Variants in EPS8L2 observed in about 807,000 individuals in gnomAD.
EPS8L2 encodes epidermal growth factor receptor kinase substrate 8-like protein 2.
In EPS8L2, 81 loss-of-function variants were observed where a neutral mutation model predicts 99.4. The observed-to-expected ratio is 0.82, with a 90% CI of 0.68 to 0.98. The LOEUF is 0.98. Ranked by LOEUF, EPS8L2 falls within the 50% of genes least tolerant of loss-of-function variation. The pLI is 0.00. For missense variants in EPS8L2, 1,155 were observed against 968.8 expected (o/e 1.19, Z -2.55); for synonymous variants, 509 against 407.3 (o/e 1.25, Z -3.01).
intron 7 of EPS8L2, 26 bp downstream of exon 7, chr11:720,935 G>T: frequency 3.3e-6 from 4 of 1,201,620 alleles, no homozygotes; most frequent in South Asian, 2.7e-5. Context: ...GAGCGGGGTC[G>T]CAGGGGGCGG....
At chr11:710,537 C>T (rs1311003261) in intron 4 of EPS8L2, 51 bp downstream of exon 4, 1 of 1,496,076 alleles carries the variant, frequency 6.7e-7, no homozygotes, top group Admixed American at 1.7e-5. Flanking sequence ...ACCCTCAGGA[C>T]ATGGCTGTCC....
At position 720,943 on chromosome 11, in the gene EPS8L2, C is replaced by CGGGGAGGGGAGGAGCCGGCA. The variant is rs1862142455; in HGVS notation, c.557+50_557+51insGGCAGGGGAGGGGAGGAGCC. The stretch of plus-strand genomic sequence containing the variant: ...GCGGGCGGAGCGGGGTCGCAGGGGG[C>CGGGGAGGGGAGGAGCCGGCA]GGGGAGGGGAGGAGCCCGGCAGGGG... On this transcript the variant is annotated intron_variant, in intron 7 of 20. Transcript: ENST00000318562. 7.5e-3 allele frequency: 3,755 copies of CGGGGAGGGGAGGAGCCGGCA among 502,100 alleles called. 29 individuals are homozygous for CGGGGAGGGGAGGAGCCGGCA. Among genetic ancestry groups the CGGGGAGGGGAGGAGCCGGCA allele is most frequent in the Admixed American group, 0.011 (224 of 20,710 alleles). 31.1% of individuals were successfully genotyped at this position (502,100 alleles called of 1,614,324 possible).
At chr11:709,640 A>G (rs373014242) in intron 3 of EPS8L2, 32 bp downstream of exon 3, 1 of 1,608,566 alleles carries the variant, frequency 6.2e-7, no homozygotes, top group Non-Finnish European at 8.5e-7. Flanking sequence ...GCTGGACGTC[A>G]CAGGGGAGAA....
rs764028709 is a variant in EPS8L2 at position 726,712 on chromosome 11, C to T, written c.2028C>T (p.Arg676=). The T allele has an allele frequency of 1.3e-6, 2 of 1,593,168 alleles. No individual in the cohort carries two copies. Among genetic ancestry groups the T allele is most frequent in the South Asian group, 1.1e-5 (1 of 87,670 alleles). ...AAGTGTGCGGCGAGGAGGGCGTCCGCGTGTACAGCCAGCTCACCATGCAGA... is the reference window on the plus strand; with the variant it reads ...AAGTGTGCGGCGAGGAGGGCGTCCGTGTGTACAGCCAGCTCACCATGCAGA... ...LKKVCGEEGV[R]VYSQLTMQKA... Residue 676 remains arginine, a synonymous_variant, in exon 20 of 21, where the codon CGC becomes CGT. Coordinates refer to ENST00000318562, the MANE Select transcript of EPS8L2 (RefSeq NM_022772.4).
chr11:725,968 C>G, intron 17 of EPS8L2, 121 bp downstream of exon 17: 1 of 1,361,886 alleles, frequency 7.3e-7, no homozygotes, highest in Admixed American at 2.9e-5. Flanking sequence ...TGCAGGGCTC[C>G]CTGGGCAGAA....
chr11:726,230 GT>G (rs1862315890), intron 18 of EPS8L2, 60 bp downstream of exon 18: 1 of 1,563,476 alleles, frequency 6.4e-7, no homozygotes, highest in East Asian at 2.3e-5. Context: ...GGGAGGAAGT[GT>G]GGGGGGGGTC....
intron 6 of EPS8L2, 30 bp downstream of exon 6, chr11:720,776 G>A: frequency 6.5e-7 from 1 of 1,532,914 alleles, no homozygotes; most frequent in South Asian, 1.2e-5. Flanking sequence ...GGCAGGGTGG[G>A]GCCCCGCCGC....
rs762278579 is a variant in EPS8L2 at position 723,305 on chromosome 11, C to T, written c.1406C>T (p.Thr469Ile). The T allele has an allele frequency of 3.1e-6, 5 of 1,591,208 alleles. No homozygotes were observed. The highest frequency in any genetic ancestry group is 1.1e-5 in the South Asian group (1 of 88,532). The change falls in exon 15 of 21, where the codon ACC (threonine) becomes ATC (isoleucine). Residue 469 changes from threonine to isoleucine, a missense_variant. Physicochemically the swap from Thr to Ile is moderately conservative, Grantham distance 89. Transcript: ENST00000318562. The part of the protein sequence containing the change: ...SQKHSPTSEP[T>I]PPGDALPPVS... ...AAGCACAGCCCCACTTCAGAGCCCA[C>T]CCCCCCGGGGGATGCCCTACCACCA... is the stretch of plus-strand genomic sequence containing the variant.
intron 4 of EPS8L2, among the ~76,000 whole-genome samples, chr11:710,846 GGCCAGA>G (rs1861870425): frequency 6.6e-6 from 1 of 152,118 alleles, no homozygotes; most frequent in Admixed American, 6.5e-5. Context: ...GGCCGGGGGA[GGCCAGA>G]GCCAGAACTG....
At chr11:720,330 G>T in intron 5 of EPS8L2, 107 bp downstream of exon 5, 2 of 1,275,412 alleles carry the variant, frequency 1.6e-6, no homozygotes, top group Non-Finnish European at 1.1e-6. Context: ...GGCCGGCCAT[G>T]CCCTATCATT....
rs1405004780 is a variant in EPS8L2 at position 722,181 on chromosome 11, C to T, written c.1059+16C>T. ...TCTGGACCTGGTGCCTGGGGCCGGG[C>T]GGCAGGGGCGCGCAGGGTGGGGGCC... On this transcript the variant is annotated intron_variant, in intron 12 of 20. Coordinates refer to ENST00000318562, the MANE Select transcript of EPS8L2 (RefSeq NM_022772.4). 6 of 1,610,088 alleles carry T rather than the reference C, an allele frequency of 3.7e-6. No individual in the cohort carries two copies. The highest frequency in any genetic ancestry group is 3.3e-5 in the South Asian group (3 of 90,842).
intron 4 of EPS8L2, among the ~76,000 whole-genome samples, chr11:718,574 T>A (rs1358631764): frequency 6.6e-6 from 1 of 151,082 alleles, no homozygotes; most frequent in Non-Finnish European, 1.5e-5. Context: ...AACTTTGACC[T>A]CCTGGGCTCA....
At chr11:715,545 C>T (rs561985670) in intron 4 of EPS8L2, among the ~76,000 whole-genome samples, 4 of 151,392 alleles carry the variant, frequency 2.6e-5, no homozygotes, top group South Asian at 2.1e-4. Flanking sequence ...GTGTAAAGTG[C>T]GTTGACCTCC....
chr11:711,468 C>G (rs1473571669), intron 4 of EPS8L2, among the ~76,000 whole-genome samples: 1 of 152,116 alleles, frequency 6.6e-6, no homozygotes. Context: ...ACCTCAGCCT[C>G]CCCAGTAGCT....
At position 709,557 on chromosome 11, in the gene EPS8L2, A is replaced by T. The variant is rs747090536; in HGVS notation, c.49A>T (p.Ser17Cys). 6.2e-7 allele frequency: 1 copy of T among 1,601,982 alleles called. No homozygotes were observed. Among genetic ancestry groups the T allele is most frequent in the African/African-American group, 1.3e-5 (1 of 74,210 alleles). The change falls in exon 3 of 21, where the codon AGC (serine) becomes TGC (cysteine). Residue 17 changes from serine to cysteine, a missense_variant. Coordinates refer to ENST00000318562, the MANE Select transcript of EPS8L2 (RefSeq NM_022772.4). ...VSCCPGATNG[S>C]LGRSDGVAKM... Reference sequence around the variant, plus strand: ...CTGACAGCCCCTCCCCTGCAGTGGCAGCCTGGGCCGGTCCGACGGTGTGGC... The same window carrying T: ...CTGACAGCCCCTCCCCTGCAGTGGCTGCCTGGGCCGGTCCGACGGTGTGGC...
At chr11:719,379 G>C (rs1274982125) in intron 4 of EPS8L2, among the ~76,000 whole-genome samples, 1 of 152,264 alleles carries the variant, frequency 6.6e-6, no homozygotes, top group African/African-American at 2.4e-5. Context: ...CCCTTCGTGG[G>C]AGGGTTTTAC....
At position 721,934 on chromosome 11, in the gene EPS8L2, C is replaced by T. The variant is rs988240440; in HGVS notation, c.927C>T (p.Pro309=). 3 of 1,598,376 alleles carry T rather than the reference C, an allele frequency of 1.9e-6. No individual in the cohort carries two copies. Among genetic ancestry groups the T allele is most frequent in the Admixed American group, 1.7e-5 (1 of 57,618 alleles). The part of the protein sequence containing the change: ...EGVLTLRARP[P]SEGEFIDCFQ... ...TCCTCACACTGCGGGCACGGCCCCC[C>T]TCTGAGGGCGAGTTCATCGACTGCT... Residue 309 remains proline, a synonymous_variant, in exon 11 of 21, where the codon CCC becomes CCT. Transcript: ENST00000318562.
chr11:710,428 GGAA>G lies in EPS8L2; in HGVS notation c.112_114del (p.Lys38del), dbSNP rs1306252573. 2.5e-6 allele frequency: 4 copies of G among 1,613,624 alleles called. No homozygotes were observed. The South Asian group carries it at 4.4e-5, about 18-fold the overall frequency. ...CTGGTGTCTCCCGGTTCAGAGCAGA[GGAA>G]GAAGTATTCCAACTCCAACGTCATC... is the stretch of plus-strand genomic sequence containing the variant. On this transcript the variant is annotated inframe_deletion, in exon 4 of 21. Coordinates refer to ENST00000318562, the MANE Select transcript of EPS8L2 (RefSeq NM_022772.4).
chr11:722,178 G>T lies in EPS8L2; in HGVS notation c.1059+13G>T. On this transcript the variant is annotated intron_variant, in intron 12 of 20. Coordinates refer to ENST00000318562, the MANE Select transcript of EPS8L2 (RefSeq NM_022772.4). ...GCCTCTGGACCTGGTGCCTGGGGCC[G>T]GGCGGCAGGGGCGCGCAGGGTGGGG... 6.2e-7 allele frequency: 1 copy of T among 1,609,966 alleles called. No homozygotes were observed. The highest frequency in any genetic ancestry group is 1.1e-5 in the South Asian group (1 of 90,800).
Sources: gnomAD v4.1 joint callset for allele counts (sites outside exome capture counted in the v4.1 genomes callset) on GRCh38, gnomAD v4.1.1 for gene constraint, MANE v1.5 for transcripts, NCBI Gene and HGNC (gene_info 2026-07-23, HGNC 2026-07-21) for gene names.